The following WDR33 variants were observed in gnomAD, a reference collection of about 807,000 sequenced individuals.
WDR33 encodes the protein WD repeat domain 33.
WDR33 carries 47 observed loss-of-function variants against 164.9 expected under a neutral mutation model. The ratio of observed to expected loss-of-function variants is 0.29; its 90% CI spans 0.23 to 0.36. WDR33 has a LOEUF of 0.36. WDR33 is among the 10% of genes least tolerant of loss of function. WDR33 has a pLI of 1.00. For synonymous variants in WDR33, 505 were observed against 589.0 expected, an observed-to-expected ratio of 0.86 and a Z score of 2.06; for missense variants, 1,137 against 1,754.1, an observed-to-expected ratio of 0.65 and a Z score of 6.28.
In WDR33 at chr2:127,710,310, T is replaced by C. The variant is rs1022831459; in HGVS notation, c.3309-454A>G. Among the ~76,000 whole-genome samples, 1 of 152,232 alleles carries C rather than the reference T, an allele frequency of 6.6e-6. No homozygotes were observed. Among genetic ancestry groups the C allele is most frequent in the East Asian group, 1.9e-4 (1 of 5,200 alleles). On this transcript the variant is annotated intron_variant, in intron 18 of 21. Transcript: ENST00000322313. The surrounding 1 kb of genome is among the most constrained non-coding windows in gnomAD (Gnocchi z 4.4). The stretch of plus-strand genomic sequence containing the variant: ...TGTATCACTGCCTCACAAATACTTA[T>C]CATTATCATCTACATTTGTATGATG...
At chr2:127,807,028 G>A (rs1482744616) in intron 1 of WDR33, among the ~76,000 whole-genome samples, 2 of 151,642 alleles carry the variant, frequency 1.3e-5, no homozygotes, top group Non-Finnish European at 2.9e-5. Context: ...TTTTTAAGAC[G>A]GCATTTCACT....
intron 18 of WDR33, among the ~76,000 whole-genome samples, chr2:127,711,790 T>TTTTTTTTA (rs70985474): frequency 2.7e-5 from 3 of 109,608 alleles, no homozygotes; most frequent in African/African-American, 4.2e-5. Context: ...ATTTTTTTTT[T>TTTTTTTTA]GAGACAGAGT....
In WDR33 at chr2:127,719,649, C is replaced by T. The variant is rs1230144324; in HGVS notation, c.2376G>A (p.Glu792=). The part of the protein sequence containing the change: ...RGMQGPPGPR[E]NQGPAPQGMI... ...TCCCTTGGGGAGCAGGACCCTGGTT[C>T]TCCCGGGGGCCTGGAGGCCCCTGCA... The change falls in exon 16 of 22, where the codon GAG becomes GAA. Residue 792 remains glutamate (E), a synonymous_variant. Transcript: ENST00000322313. The surrounding 1 kb of genome is among the most constrained non-coding windows in gnomAD (Gnocchi z 6.5). 6.2e-7 allele frequency: 1 copy of T among 1,613,142 alleles called. No individual in the cohort carries two copies. The highest frequency in any genetic ancestry group is 1.7e-5 in the Admixed American group (1 of 59,866).
At chr2:127,798,804 T>C (rs1431056357) in intron 1 of WDR33, 2 of 152,100 alleles carry the variant, frequency 1.3e-5, no homozygotes, top group Non-Finnish European at 2.9e-5. Context: ...AACCTGTCCT[T>C]AATTTTTACT....
At chr2:127,743,613 GAAGTA>G (rs1687088320) in intron 7 of WDR33, among the ~76,000 whole-genome samples, 1 of 152,188 alleles carries the variant, frequency 6.6e-6, no homozygotes, top group South Asian at 2.1e-4. Context: ...TGACAATTCA[GAAGTA>G]AAGGAAGACA....
chr2:127,719,306 T>G lies in WDR33; in HGVS notation c.2719A>C (p.Thr907Pro). The change falls in exon 16 of 22, where the codon ACG (threonine) becomes CCG (proline). Residue 907 changes from threonine (T) to proline (P), a missense_variant. This residue lies in a region of WDR33 where 867 missense variants were observed against 1,073.0 expected (regional missense o/e 0.81). Coordinates refer to ENST00000322313, the MANE Select transcript of WDR33 (RefSeq NM_018383.5). This position sits in a 1 kb window ranked among gnomAD's most constrained non-coding sequence, Gnocchi z 6.5. ...CGGGGCCCATCACCTAGCAGAGGCG[T>G]TTTCTGTTGCTGGAATGGTATTGGC... ...QGPIPFQQQK[T>P]PLLGDGPRAP... is the part of the protein sequence containing the mutation. 1 of 1,456,456 alleles carries G rather than the reference T, an allele frequency of 6.9e-7. No individual in the cohort carries two copies. The highest frequency in any genetic ancestry group is 2.4e-5 in the East Asian group (1 of 41,642). 90.2% of individuals were successfully genotyped at this position (1,456,456 alleles called of 1,614,324 possible).
Position 127,720,812 on chromosome 2 carries a change from G to A in WDR33, c.1672-459C>T, listed in dbSNP as rs1346977904. ...TGGGTTCAGCTGATCCTCCCGCCTC[G>A]CCTCCCAAAGTGCTGGGATTACAGG... is the stretch of plus-strand genomic sequence containing the variant. On this transcript the variant is annotated intron_variant, in intron 15 of 21. Coordinates refer to ENST00000322313, the MANE Select transcript of WDR33 (RefSeq NM_018383.5). This position sits in a 1 kb window ranked among gnomAD's most constrained non-coding sequence, Gnocchi z 5.9. Among the ~76,000 whole-genome samples the A allele has an allele frequency of 5.3e-5, 8 of 152,024 alleles. No homozygotes were observed. The highest frequency in any genetic ancestry group is 1.2e-4 in the African/African-American group (5 of 41,370).
chr2:127,769,004 G>GC lies in WDR33; in HGVS notation c.205-4_205-3insG. 8.8e-7 allele frequency: 1 copy of GC among 1,134,052 alleles called. No homozygotes were observed. Among genetic ancestry groups the GC allele is most frequent in the Non-Finnish European group, 1.2e-6 (1 of 867,924 alleles). 70.2% of individuals were successfully genotyped at this position (1,134,052 alleles called of 1,614,324 possible). A position where few individuals can be genotyped will look rare whatever the true frequency, so the allele number is the denominator to read the frequency against. The stretch of plus-strand genomic sequence containing the variant: ...TGGTCTCTTTGCCATATTCTGTTCT[G>GC]TTAAATAAATAAATAAATAAATAAA... On this transcript the variant is annotated splice_region_variant and splice_polypyrimidine_tract_variant and intron_variant, in intron 2 of 21. Coordinates refer to ENST00000322313, the MANE Select transcript of WDR33 (RefSeq NM_018383.5).
At position 127,702,397 on chromosome 2, in the gene WDR33, T is replaced by C. The variant is rs1457176836; in HGVS notation, c.*3926A>G. The C allele has an allele frequency of 3.1e-6, 1 of 327,242 alleles. No individual in the cohort carries two copies. The highest frequency in any genetic ancestry group is 5.6e-6 in the Non-Finnish European group (1 of 177,092). The allele number at this position is 327,242 out of a possible 1,614,324, so 20.3% of individuals were successfully genotyped here. A position where few individuals can be genotyped will look rare whatever the true frequency, so the allele number is the denominator to read the frequency against. On this transcript the variant is annotated 3_prime_UTR_variant, in exon 22 of 22. Coordinates refer to ENST00000322313, the MANE Select transcript of WDR33 (RefSeq NM_018383.5). The stretch of plus-strand genomic sequence containing the variant: ...TTTTTGTGCTGGACTTGGCACACGC[T>C]CTGAAAACTGAGATTTTGTCATTGA...
chr2:127,777,457 A>G (rs1471469636), intron 1 of WDR33, among the ~76,000 whole-genome samples: 1 of 152,258 alleles, frequency 6.6e-6, no homozygotes, highest in African/African-American at 2.4e-5. Flanking sequence ...CAGGAAGGCC[A>G]GTCAATTTCT....
chr2:127,781,479 A>C (rs921632865), intron 1 of WDR33, among the ~76,000 whole-genome samples: 5 of 152,206 alleles, frequency 3.3e-5, no homozygotes, highest in Non-Finnish European at 5.9e-5. Flanking sequence ...GAGGAAATCT[A>C]AATAAGATCT....
intron 1 of WDR33, among the ~76,000 whole-genome samples, chr2:127,810,139 C>T (rs984442442): frequency 6.6e-6 from 1 of 152,092 alleles, no homozygotes; most frequent in Non-Finnish European, 1.5e-5. Flanking sequence ...GTCTACGCTC[C>T]CCAGAGTTGT....
chr2:127,800,219 C>T (rs6714620), intron 1 of WDR33, among the ~76,000 whole-genome samples: 18,007 of 152,196 alleles, frequency 0.12, 1,296 homozygotes, highest in African/African-American at 0.21. Flanking sequence ...TTTACAGCAG[C>T]GTTATTAATA....
chr2:127,806,352 C>T (rs942612698), intron 1 of WDR33, among the ~76,000 whole-genome samples: 6 of 151,810 alleles, frequency 4.0e-5, no homozygotes, highest in Non-Finnish European at 8.8e-5. Context: ...GGACTACAGG[C>T]ATGCGCAACC....
chr2:127,759,229 A>G (rs1247555068), intron 7 of WDR33, among the ~76,000 whole-genome samples: 1 of 152,186 alleles, frequency 6.6e-6, no homozygotes, highest in African/African-American at 2.4e-5. Flanking sequence ...ATTCTATTTC[A>G]TAAATGTCTG....
chr2:127,706,616 G>T lies in WDR33; in HGVS notation c.3782-64C>A. 3 of 1,442,060 alleles carry T rather than the reference G, an allele frequency of 2.1e-6. No homozygotes were observed. Among genetic ancestry groups the T allele is most frequent in the Middle Eastern group, 1.8e-4 (1 of 5,546 alleles). 89.3% of individuals were successfully genotyped at this position (1,442,060 alleles called of 1,614,324 possible). A position where few individuals can be genotyped will look rare whatever the true frequency, so the allele number is the denominator to read the frequency against. ...AGCAACTGTTTGTCAGTAACTCCCA[G>T]TACAAACTTTACTCTCTGATGACAA... On this transcript the variant is annotated intron_variant, in intron 21 of 21. Transcript: ENST00000322313. This position sits in a 1 kb window ranked among gnomAD's most constrained non-coding sequence, Gnocchi z 5.1.
chr2:127,712,322 GA>G lies in WDR33; in HGVS notation c.3308+1260del, dbSNP rs1363882310. Among the ~76,000 whole-genome samples the G allele has an allele frequency of 3.9e-5, 6 of 151,924 alleles. No individual in the cohort carries two copies. Among genetic ancestry groups the G allele is most frequent in the African/African-American group, 1.4e-4 (6 of 41,392 alleles). On this transcript the variant is annotated intron_variant, in intron 18 of 21. Coordinates refer to ENST00000322313, the MANE Select transcript of WDR33 (RefSeq NM_018383.5). This position sits in a 1 kb window ranked among gnomAD's most constrained non-coding sequence, Gnocchi z 4.0. ...GAGACAGGAGAATCACTTGAACCTG[GA>G]AGGTGGAGGCTGCAGTGAGCCGAGA... is the stretch of plus-strand genomic sequence containing the variant.
At chr2:127,798,236 C>T (rs968139347) in intron 1 of WDR33, among the ~76,000 whole-genome samples, 2 of 151,252 alleles carry the variant, frequency 1.3e-5, no homozygotes, top group African/African-American at 4.9e-5. Flanking sequence ...GGCATGGTGG[C>T]ACATGCCTGT....
At chr2:127,810,873 G>A (rs1009366015) in intron 1 of WDR33, 139 bp downstream of exon 1, 1 of 152,814 alleles carries the variant, frequency 6.5e-6, no homozygotes, top group African/African-American at 2.4e-5. Context: ...GCCGCCCCGA[G>A]GTCGATTCTC....
Sources: allele counts gnomAD v4.1 joint callset (sites outside exome capture counted in the v4.1 genomes callset), GRCh38; gene constraint gnomAD v4.1.1; regional missense constraint gnomAD v4.1.1; non-coding constraint Gnocchi (gnomAD v3.1); transcripts MANE v1.5; gene names NCBI Gene and HGNC (gene_info 2026-07-23, HGNC 2026-07-21).